The following MACROD2 variants were observed in gnomAD, a reference collection of about 807,000 sequenced individuals.
MACROD2 encodes the protein ADP-ribose glycohydrolase MACROD2.
A neutral mutation model predicts 70.4 loss-of-function variants in MACROD2; 36 were observed. That is an observed-to-expected ratio of 0.51 (90% confidence interval 0.39 to 0.68). MACROD2 has a LOEUF of 0.68. MACROD2 is among the 30% of genes least tolerant of loss of function. The probability of loss-of-function intolerance (pLI) is 0.00; values close to 1 mark genes in which losing one functional copy is unlikely to be tolerated. For synonymous variants in MACROD2, 172 were observed against 178.8 expected (o/e 0.96, Z 0.30); for missense variants, 496 against 538.4 (o/e 0.92, Z 0.78).
Position 14,071,252 on chromosome 20 carries a change from G to GTTTTTTTTTTTTTT in MACROD2, c.164-14356_164-14343dup, listed in dbSNP as rs59052053. Reference sequence around the variant, plus strand: ...GACAGTATTGGCCATTTCATCTTGTGTTTTTTTTTTTTTTTTTTTTTTTTT... The same window carrying GTTTTTTTTTTTTTT: ...GACAGTATTGGCCATTTCATCTTGTGTTTTTTTTTTTTTTTTTTTTTTTTTTTTTTTTTTTTTTT... On this transcript the variant is annotated intron_variant, in intron 2 of 17. Transcript: ENST00000684519. Among the ~76,000 whole-genome samples the GTTTTTTTTTTTTTT allele has an allele frequency of 2.0e-4, 13 of 63,956 alleles. 3 individuals carry two copies. Among genetic ancestry groups the GTTTTTTTTTTTTTT allele is most frequent in the Non-Finnish European group, 3.1e-4 (11 of 35,046 alleles). 42.0% of individuals were successfully genotyped at this position (63,956 alleles called of 152,430 possible).
intron 8 of MACROD2, among the ~76,000 whole-genome samples, chr20:15,779,092 G>A (rs1351028331): frequency 6.6e-6 from 1 of 151,048 alleles, no homozygotes; most frequent in East Asian, 2.1e-4. Context: ...AATTTAAGCT[G>A]GTCCTCTAAC....
chr20:15,908,274 C>T (rs1268849576), intron 10 of MACROD2, among the ~76,000 whole-genome samples: 1 of 152,168 alleles, frequency 6.6e-6, no homozygotes, highest in Non-Finnish European at 1.5e-5. Context: ...CTCTTTGACC[C>T]TTGCTGCCAG....
chr20:14,660,918 T>C (rs1341498950), intron 4 of MACROD2, among the ~76,000 whole-genome samples: 15 of 152,174 alleles, frequency 9.9e-5, no homozygotes, highest in South Asian at 2.1e-4. Context: ...TATTCCATGG[T>C]ACATATGTAC....
At chr20:15,835,591 T>C (rs16996657) in intron 8 of MACROD2, among the ~76,000 whole-genome samples, 23,394 of 152,024 alleles carry the variant, frequency 0.15, 2,157 homozygotes, top group African/African-American at 0.24. Context: ...ATGACAATAC[T>C]AACAATAATT....
intron 5 of MACROD2, among the ~76,000 whole-genome samples, chr20:15,014,422 T>C (rs2075105791): frequency 6.6e-6 from 1 of 152,158 alleles, no homozygotes; most frequent in Non-Finnish European, 1.5e-5. Flanking sequence ...GTCTAAAATA[T>C]TTGCCAACAT....
At chr20:15,386,699 A>G (rs1310893499) in intron 6 of MACROD2, among the ~76,000 whole-genome samples, 1 of 152,208 alleles carries the variant, frequency 6.6e-6, no homozygotes, top group Non-Finnish European at 1.5e-5. Flanking sequence ...TTAGTAACAG[A>G]ATATGTTCCT....
intron 5 of MACROD2, among the ~76,000 whole-genome samples, chr20:15,076,132 A>C (rs941943396): frequency 1.1e-4 from 17 of 152,132 alleles, no homozygotes; most frequent in African/African-American, 4.1e-4. Context: ...ACTTGTTATG[A>C]TACTGCCTAT....
chr20:14,664,313 C>T (rs1027297171), intron 4 of MACROD2, among the ~76,000 whole-genome samples: 7 of 152,044 alleles, frequency 4.6e-5, no homozygotes, highest in African/African-American at 1.4e-4. Flanking sequence ...CCAAGACCCA[C>T]GTTTCGGTAA....
chr20:15,385,564 G>T (rs2045701820), intron 6 of MACROD2, among the ~76,000 whole-genome samples: 1 of 152,112 alleles, frequency 6.6e-6, no homozygotes, highest in Non-Finnish European at 1.5e-5. Flanking sequence ...TGACGTTAGT[G>T]TCGAAGGATT....
At chr20:16,009,981 T>C (rs1426207649) in intron 15 of MACROD2, among the ~76,000 whole-genome samples, 2 of 152,130 alleles carry the variant, frequency 1.3e-5, no homozygotes, top group Non-Finnish European at 2.9e-5. Context: ...TGGTATGTCT[T>C]TATAATCCTT....
chr20:15,367,845 A>AT (rs1245468187), intron 6 of MACROD2, among the ~76,000 whole-genome samples: 3 of 152,232 alleles, frequency 2.0e-5, no homozygotes, highest in African/African-American at 7.2e-5. Context: ...CAATTTCAGT[A>AT]TTTTTTGTCA....
intron 5 of MACROD2, among the ~76,000 whole-genome samples, chr20:15,002,293 T>A (rs2075002244): frequency 6.6e-6 from 1 of 152,236 alleles, no homozygotes; most frequent in Non-Finnish European, 1.5e-5. Context: ...TTTTGTTTTT[T>A]TTGGCTATGG....
At chr20:14,240,178 C>CA (rs1241125311) in intron 3 of MACROD2, among the ~76,000 whole-genome samples, 2 of 151,852 alleles carry the variant, frequency 1.3e-5, no homozygotes, top group African/African-American at 2.4e-5. Flanking sequence ...ATTAAAAAGT[C>CA]AAAAAAATAA....
intron 5 of MACROD2, among the ~76,000 whole-genome samples, chr20:15,209,893 C>T (rs376440076): frequency 6.6e-6 from 1 of 152,152 alleles, no homozygotes; most frequent in African/African-American, 2.4e-5. Flanking sequence ...AATGTTTGAC[C>T]TAATGTTTTC....
chr20:14,189,232 C>T (rs74567519), intron 3 of MACROD2, among the ~76,000 whole-genome samples: 1,931 of 152,060 alleles, frequency 0.013, 16 homozygotes, highest in South Asian at 0.037. Context: ...GAAAGAAAAA[C>T]ATAATGTTAA....
intron 4 of MACROD2, among the ~76,000 whole-genome samples, chr20:14,525,943 T>C (rs1476944035): frequency 4.6e-5 from 7 of 152,200 alleles, no homozygotes; most frequent in African/African-American, 1.7e-4. Context: ...TTTCTAATCA[T>C]GCTTCCTGAA....
At chr20:14,110,495 C>CA (rs1311847272) in intron 3 of MACROD2, among the ~76,000 whole-genome samples, 1 of 151,508 alleles carries the variant, frequency 6.6e-6, no homozygotes, top group African/African-American at 2.4e-5. Context: ...AAAGCTTCAC[C>CA]AAAAAACAAA....
At chr20:15,619,497 C>A in intron 8 of MACROD2, 1 of 307,066 alleles carries the variant, frequency 3.3e-6, no homozygotes, top group South Asian at 3.5e-5. Context: ...CTTGGCCACC[C>A]GCTGGCTTGC....
intron 5 of MACROD2, among the ~76,000 whole-genome samples, chr20:14,985,011 G>A (rs1342716821): frequency 6.6e-6 from 1 of 152,134 alleles, no homozygotes; most frequent in Non-Finnish European, 1.5e-5. Context: ...AAAACAGTGT[G>A]ACCTTACGTA....
Sources: gnomAD v4.1 joint callset for allele counts (sites outside exome capture counted in the v4.1 genomes callset) on GRCh38, gnomAD v4.1.1 for gene constraint, MANE v1.5 for transcripts, NCBI Gene and HGNC (gene_info 2026-07-23, HGNC 2026-07-21) for gene names.